The following MYO10 variants were observed in gnomAD, a reference collection of about 807,000 sequenced individuals.
MYO10 encodes the protein unconventional myosin-X.
A neutral mutation model predicts 257.3 loss-of-function variants in MYO10; 133 were observed. That is an observed-to-expected ratio of 0.52 (90% CI 0.45 to 0.60). MYO10 has a LOEUF of 0.60. Among genes scored for constraint, MYO10 ranks in the 20% least tolerant of loss-of-function variants. The pLI, the probability that MYO10 is intolerant of heterozygous loss-of-function variation, is 0.00. For synonymous variants in MYO10, 1,104 were observed against 1,028.6 expected (o/e 1.07, Z -1.40); for missense variants, 2,399 against 2,635.7 (o/e 0.91, Z 1.97).
rs769346310 is a variant in MYO10 at position 16,674,895 on chromosome 5, G to A, written c.4922C>T (p.Pro1641Leu). The A allele has an allele frequency of 3.1e-6, 5 of 1,613,916 alleles. No homozygotes were observed. The highest frequency in any genetic ancestry group is 4.2e-6 in the Non-Finnish European group (5 of 1,179,884). The part of the protein sequence containing the change: ...ILTCLSCTFL[P>L]SRGILKYLKF... ...GAGATACTTGAGAATCCCTCGACTC[G>A]GCAGGAAGGTGCAGCTCAGGCATGT... Residue 1641 changes from proline to leucine, a missense_variant, in exon 35 of 41, where the codon CCG becomes CTG. Pro to Leu is a moderately conservative substitution (Grantham distance 98). Around this residue, in one of 3 missense-constraint regions of MYO10, gnomAD observed 1,820 missense variants for 1,939.4 expected, o/e 0.94. Coordinates refer to ENST00000513610, the MANE Select transcript of MYO10 (RefSeq NM_012334.3).
rs536472843 is a variant in MYO10, at chr5:16,923,473, G to A, written c.21+12315C>T. On this transcript the variant is annotated intron_variant, in intron 1 of 40. Transcript: ENST00000513610. ...GGCTAATTTTTTTGTATTTTTAGTA[G>A]AGATGGGGTTTCACTGTGTTAGCCA... 2.4e-3 allele frequency among the ~76,000 whole-genome samples: 372 copies of A among 151,866 alleles called. 4 individuals are homozygous for A. Among genetic ancestry groups the A allele is most frequent in the Non-Finnish European group, 3.8e-3 (257 of 67,956 alleles).
At chr5:16,738,179 C>T in intron 19 of MYO10, 6 of 985,384 alleles carry the variant, frequency 6.1e-6, no homozygotes, top group Non-Finnish European at 7.2e-6. Flanking sequence ...TCTTTTGGAG[C>T]CCAGCGAGTG....
At position 16,794,683 on chromosome 5, in the gene MYO10, G is replaced by A. The variant is rs763464118; in HGVS notation, c.430C>T (p.Leu144=). ...CACTGGTTGTCGTGGCGCTTCCACA[G>A]GCAGCGGTAGCACTCGTTGGCGATG... ...FAIANECYRC[L]WKRHDNQCIL... The change falls in exon 4 of 41, where the codon CTG becomes TTG. Residue 144 remains leucine, a synonymous_variant. Transcript: ENST00000513610. 10 of 1,613,130 alleles carry A rather than the reference G, an allele frequency of 6.2e-6. 1 individual carries two copies. In the South Asian group the frequency reaches 7.7e-5, roughly 12 times the overall value.
At chr5:16,793,091 C>T (rs1282092637) in intron 4 of MYO10, among the ~76,000 whole-genome samples, 5 of 152,148 alleles carry the variant, frequency 3.3e-5, no homozygotes, top group Non-Finnish European at 7.4e-5. Context: ...AACAACTATA[C>T]CCCGTGAGTG....
intron 1 of MYO10, among the ~76,000 whole-genome samples, chr5:16,922,267 A>G (rs1379649312): frequency 1.3e-5 from 2 of 151,918 alleles, no homozygotes; most frequent in Admixed American, 1.3e-4. Flanking sequence ...AAAAAAGGGC[A>G]CATGGGCCCA....
chr5:16,858,021 G>A (rs1048974265), intron 2 of MYO10, among the ~76,000 whole-genome samples: 3 of 152,122 alleles, frequency 2.0e-5, no homozygotes, highest in African/African-American at 4.8e-5. Flanking sequence ...AAGGACTGAC[G>A]GTCCATACGT....
intron 14 of MYO10, 74 bp from the exon 15 acceptor site, chr5:16,762,711 TC>T (rs1297003653): frequency 8.6e-7 from 1 of 1,164,724 alleles, no homozygotes; most frequent in East Asian, 2.6e-5. Context: ...TGCCTGTAAT[TC>T]CAGCACTTTG....
At chr5:16,885,704 G>A (rs975875540) in intron 1 of MYO10, among the ~76,000 whole-genome samples, 2 of 151,930 alleles carry the variant, frequency 1.3e-5, no homozygotes, top group Non-Finnish European at 2.9e-5. Flanking sequence ...GGCGGGGGTT[G>A]GGGGGTGGTG....
chr5:16,715,145 C>A (rs1486276595), intron 19 of MYO10, among the ~76,000 whole-genome samples: 324 of 87,440 alleles, frequency 3.7e-3, no homozygotes, highest in Middle Eastern at 6.8e-3. Context: ...GGCAATTGGA[C>A]AAAAAAAAAA....
intron 2 of MYO10, among the ~76,000 whole-genome samples, chr5:16,829,968 G>A (rs754804984): frequency 3.9e-5 from 6 of 152,000 alleles, no homozygotes; most frequent in East Asian, 3.9e-4. Flanking sequence ...AGCCAGGTGC[G>A]GTGGCTCACA....
chr5:16,889,337 C>G (rs868506680), intron 1 of MYO10, among the ~76,000 whole-genome samples: 1 of 151,784 alleles, frequency 6.6e-6, no homozygotes, highest in South Asian at 2.1e-4. Context: ...ACCCAGGAGG[C>G]GGAGGTTGCG....
At chr5:16,848,456 G>A (rs1743706552) in intron 2 of MYO10, among the ~76,000 whole-genome samples, 1 of 151,980 alleles carries the variant, frequency 6.6e-6, no homozygotes, top group Non-Finnish European at 1.5e-5. Context: ...CATCGCACCT[G>A]GCTAAACACA....
chr5:16,894,598 A>T (rs1182113105), intron 1 of MYO10, among the ~76,000 whole-genome samples: 1 of 152,226 alleles, frequency 6.6e-6, no homozygotes, highest in Non-Finnish European at 1.5e-5. Context: ...CTTCATGGAA[A>T]GCAGAGGTGG....
intron 3 of MYO10, among the ~76,000 whole-genome samples, chr5:16,796,522 C>G (rs1297560281): frequency 6.8e-6 from 1 of 147,970 alleles, no homozygotes. Flanking sequence ...TAAATAGAGG[C>G]TACAGAGTTA....
At position 16,698,232 on chromosome 5, in the gene MYO10, G is replaced by C. The variant is rs143605850; in HGVS notation, c.3556+1218C>G. ...TAAAAAATTAGCCTGGCATGATGGT[G>C]TGCGCCTGCAGTCCTAGCTCCTATG... is the stretch of plus-strand genomic sequence containing the variant. On this transcript the variant is annotated intron_variant, in intron 26 of 40. Transcript: ENST00000513610. Among the ~76,000 whole-genome samples the C allele has an allele frequency of 2.9e-3, 446 of 152,264 alleles. 3 individuals are homozygous for C. Among genetic ancestry groups the C allele is most frequent in the African/African-American group, 0.01 (435 of 41,552 alleles).
intron 28 of MYO10, 40 bp from the exon 29 acceptor site, chr5:16,685,871 C>A (rs1227019358): frequency 6.7e-7 from 1 of 1,494,786 alleles, no homozygotes; most frequent in Non-Finnish European, 9.1e-7. Context: ...AGAGGCCAAC[C>A]TCGTACTGGC....
chr5:16,729,347 T>C (rs1212581044), intron 19 of MYO10, among the ~76,000 whole-genome samples: 2 of 152,344 alleles, frequency 1.3e-5, no homozygotes, highest in African/African-American at 2.4e-5. Context: ...AATCTGATAT[T>C]ACATCTATTA....
At position 16,670,703 on chromosome 5, in the gene MYO10, C is replaced by A. The variant is rs1325729121; in HGVS notation, c.5706G>T (p.Lys1902Asn). 5.0e-6 allele frequency: 8 copies of A among 1,614,016 alleles called. No individual in the cohort carries two copies. Among genetic ancestry groups the A allele is most frequent in the African/African-American group, 1.3e-5 (1 of 75,044 alleles). The change falls in exon 39 of 41, where the codon AAG (lysine) becomes AAT (asparagine). Residue 1902 changes from lysine to asparagine, a missense_variant. Coordinates refer to ENST00000513610, the MANE Select transcript of MYO10 (RefSeq NM_012334.3). ...SFRTGSVVRQKVEEEQMLDMW... is the reference protein window; with the variant it reads ...SFRTGSVVRQNVEEEQMLDMW... Reference sequence around the variant, plus strand: ...TGTCCAGCATCTGCTCCTCCTCGACCTTCTGCCGGACCACGGATCCTGTCC... The same window carrying A: ...TGTCCAGCATCTGCTCCTCCTCGACATTCTGCCGGACCACGGATCCTGTCC...
rs968985224 is a variant in MYO10, at chr5:16,675,104, C to T, written c.4713G>A (p.Lys1571=). 9 of 1,613,852 alleles carry T rather than the reference C, an allele frequency of 5.6e-6. No individual in the cohort carries two copies. The Admixed American group carries it at 8.3e-5, about 15-fold the overall frequency. Residue 1571 remains lysine, a synonymous_variant, in exon 35 of 41, where the codon AAG becomes AAA. Transcript: ENST00000513610. ...GYTTLQDEAI[K]IFNSLQQLES... ...CCAGTTGCTGCAGGGAATTGAATAT[C>T]TTGATGGCCTCATCCTGAAGGGTGG...
Sources: allele counts gnomAD v4.1 joint callset (sites outside exome capture counted in the v4.1 genomes callset), GRCh38; gene constraint gnomAD v4.1.1; regional missense constraint gnomAD v4.1.1; transcripts MANE v1.5; gene names NCBI Gene and HGNC (gene_info 2026-07-23, HGNC 2026-07-21).